ARHGEF16: variants seen among roughly 807,000 people sequenced by gnomAD.
ARHGEF16 encodes Rho guanine exchange factor (GEF) 16.
In ARHGEF16, 59 loss-of-function variants were observed where a neutral mutation model predicts 74.1. That is an observed-to-expected ratio of 0.80 (90% confidence interval 0.65 to 0.99). ARHGEF16 has a LOEUF of 0.99. ARHGEF16 is among the 50% of genes least tolerant of loss of function. ARHGEF16 has a pLI of 0.00. For missense variants in ARHGEF16, 948 were observed against 986.6 expected, an observed-to-expected ratio of 0.96 and a Z score of 0.52; for synonymous variants, 415 against 412.6, an observed-to-expected ratio of 1.01 and a Z score of -0.07.
chr1:3,467,012 A>G (rs568192679), intron 3 of ARHGEF16, 156 bp from the exon 4 acceptor site: 1 of 745,412 alleles, frequency 1.3e-6, no homozygotes, highest in Non-Finnish European at 2.1e-6. Context: ...AGGTCTTGGG[A>G]CTGGTGCCCA....
chr1:3,462,144 G>A (rs1006592417), intron 1 of ARHGEF16, among the ~76,000 whole-genome samples: 1 of 152,086 alleles, frequency 6.6e-6, no homozygotes, highest in Non-Finnish European at 1.5e-5. Context: ...CTACAGAGAT[G>A]TCTACAGGGC....
At chr1:3,457,977 GC>G (rs1639303939) in intron 1 of ARHGEF16, among the ~76,000 whole-genome samples, 1 of 152,198 alleles carries the variant, frequency 6.6e-6, no homozygotes, top group Non-Finnish European at 1.5e-5. Context: ...GCACAGATGG[GC>G]CCAGAACCTC....
At chr1:3,479,787 C>A in intron 13 of ARHGEF16, 25 bp from the exon 14 acceptor site, 1 of 1,609,226 alleles carries the variant, frequency 6.2e-7, no homozygotes. Flanking sequence ...CCCGACAGCC[C>A]TGTGATGGCC....
chr1:3,470,094 G>C (rs80192986), intron 6 of ARHGEF16, among the ~76,000 whole-genome samples: 3,684 of 152,212 alleles, frequency 0.024, 133 homozygotes, highest in African/African-American at 0.084. Flanking sequence ...ATGTGCGTGG[G>C]GTGGGGTGGG....
chr1:3,456,673 C>T (rs1310516305), intron 1 of ARHGEF16, among the ~76,000 whole-genome samples: 1 of 152,218 alleles, frequency 6.6e-6, no homozygotes, highest in African/African-American at 2.4e-5. Context: ...ATTCAGAGGG[C>T]ACTGTCTGTG....
In ARHGEF16 at chr1:3,476,028, C is replaced by T. The variant is rs776739628; in HGVS notation, c.1439C>T (p.Thr480Met). Residue 480 changes from threonine (T) to methionine (M), a missense_variant, in exon 10 of 15, where the codon ACG becomes ATG. Thr to Met is a moderately conservative substitution (Grantham distance 81, BLOSUM62 -1). Transcript: ENST00000378378. ...HRMERMEQMY[T>M]LHTQLDFSKV... ...ATGGAGCGCATGGAGCAGATGTACA[C>T]GCTGCACACACAGCTGGACTTCAGC... 9.0e-5 allele frequency: 140 copies of T among 1,556,662 alleles called. No individual in the cohort carries two copies. Among genetic ancestry groups the T allele is most frequent in the East Asian group, 5.5e-4 (23 of 41,606 alleles).
intron 3 of ARHGEF16, 176 bp from the exon 4 acceptor site, chr1:3,466,992 G>T: frequency 3.2e-6 from 2 of 616,534 alleles, no homozygotes; most frequent in Non-Finnish European, 5.4e-6. Context: ...TGGGACTTGT[G>T]GCATAGGAGA....
In ARHGEF16 at chr1:3,473,221, A is replaced by G. The variant is rs1336584151; in HGVS notation, c.1166A>G (p.Gln389Arg). The part of the protein sequence containing the change: ...SNEVYQQRTL[Q>R]KLISSNAAFR... ...GAGGTCTACCAACAGCGCACGCTGC[A>G]GAAGCTGATGTGAGTGGGCGGCCCC... The change falls in exon 7 of 15, where the codon CAG (glutamine) becomes CGG (arginine). Residue 389 changes from glutamine (Q) to arginine (R), a missense_variant. By Grantham distance (43) the Gln-to-Arg change is conservative. Coordinates refer to ENST00000378378, the MANE Select transcript of ARHGEF16 (RefSeq NM_014448.4). 2.5e-6 allele frequency: 4 copies of G among 1,612,954 alleles called. No individual in the cohort carries two copies. The highest frequency in any genetic ancestry group is 3.4e-6 in the Non-Finnish European group (4 of 1,179,876).
At position 3,480,432 on chromosome 1, in the gene ARHGEF16, C is replaced by G; in HGVS notation, c.1991-16C>G. The G allele has an allele frequency of 6.2e-7, 1 of 1,611,988 alleles. No individual in the cohort carries two copies. The highest frequency in any genetic ancestry group is 8.5e-7 in the Non-Finnish European group (1 of 1,179,788). ...GGCCTTCCCCTCACCTCCCTCCCACCCCTATCCGGGTTCAGGGTGGCTCTA... is the reference window on the plus strand; with the variant it reads ...GGCCTTCCCCTCACCTCCCTCCCACGCCTATCCGGGTTCAGGGTGGCTCTA... On this transcript the variant is annotated splice_polypyrimidine_tract_variant and intron_variant, in intron 14 of 14. Coordinates refer to ENST00000378378, the MANE Select transcript of ARHGEF16 (RefSeq NM_014448.4).
Position 3,480,632 on chromosome 1 carries a change from G to GC in ARHGEF16, c.*46dup. The GC allele has an allele frequency of 6.3e-7, 1 of 1,587,828 alleles. No homozygotes were observed. Among genetic ancestry groups the GC allele is most frequent in the Non-Finnish European group, 8.5e-7 (1 of 1,172,398 alleles). On this transcript the variant is annotated 3_prime_UTR_variant, in exon 15 of 15. Transcript: ENST00000378378. Reference sequence around the variant, plus strand: ...CGGCAGCACAGCCTGTCTCCAATCAGCAAGTGGTCGTGCCTGGCTCTAGAG... The same window carrying GC: ...CGGCAGCACAGCCTGTCTCCAATCAGCCAAGTGGTCGTGCCTGGCTCTAGAG...
In ARHGEF16 at chr1:3,456,191, C is replaced by A. The variant is rs113982633; in HGVS notation, c.-20+1380C>A. 9.6e-3 allele frequency among the ~76,000 whole-genome samples: 1,455 copies of A among 152,312 alleles called. 13 individuals carry two copies. The highest frequency in any genetic ancestry group is 0.015 in the Non-Finnish European group (1,000 of 68,034). ...GGGGGCCATCTCTGACCCACAGGAC[C>A]ACCCTATGTGGGAAGCACTTTCCAC... On this transcript the variant is annotated intron_variant, in intron 1 of 14. Transcript: ENST00000378378.
chr1:3,469,143 G>A (rs1055801849), intron 5 of ARHGEF16, among the ~76,000 whole-genome samples: 1 of 152,162 alleles, frequency 6.6e-6, no homozygotes, highest in Admixed American at 6.5e-5. Flanking sequence ...TCACGTCACC[G>A]GGTGAATCCT....
At position 3,478,473 on chromosome 1, in the gene ARHGEF16, G is replaced by A. The variant is rs1639957242; in HGVS notation, c.1675G>A (p.Val559Met). ...QDYAQMNHIQ[V>M]EKIEPSELPL... is the part of the protein sequence containing the mutation. ...CTACGCCCAGATGAACCACATCCAGGTGGAGAAGATAGAGCCGTCTGAGCT... is the reference window on the plus strand; with the variant it reads ...CTACGCCCAGATGAACCACATCCAGATGGAGAAGATAGAGCCGTCTGAGCT... Residue 559 changes from valine (V) to methionine (M), a missense_variant, in exon 12 of 15, where the codon GTG becomes ATG. Val to Met is a conservative substitution (Grantham distance 21, BLOSUM62 1). Transcript: ENST00000378378. The A allele has an allele frequency of 1.2e-6, 2 of 1,612,406 alleles. No individual in the cohort carries two copies. Among genetic ancestry groups the A allele is most frequent in the Non-Finnish European group, 1.7e-6 (2 of 1,179,732 alleles).
intron 10 of ARHGEF16, 147 bp from the exon 11 acceptor site, chr1:3,477,728 G>T: frequency 2.8e-6 from 2 of 724,516 alleles, no homozygotes; most frequent in South Asian, 1.8e-5. Flanking sequence ...CCCCGACTGA[G>T]GGCAGCCAGC....
At chr1:3,470,153 G>C (rs962001334) in intron 6 of ARHGEF16, among the ~76,000 whole-genome samples, 5 of 151,944 alleles carry the variant, frequency 3.3e-5, no homozygotes, top group Non-Finnish European at 7.4e-5. Flanking sequence ...GTGCATGGCT[G>C]TGTGTGCATG....
intron 4 of ARHGEF16, chr1:3,468,665 G>C: frequency 1.7e-6 from 1 of 587,310 alleles, no homozygotes. Flanking sequence ...CGGCTGGGGG[G>C]AGCGGGGGGC....
At chr1:3,479,064 G>T (rs984686203) in intron 12 of ARHGEF16, among the ~76,000 whole-genome samples, 4 of 152,218 alleles carry the variant, frequency 2.6e-5, no homozygotes, top group Non-Finnish European at 4.4e-5. Context: ...AGACAGCAGG[G>T]TGGTCCTGGC....
intron 12 of ARHGEF16, among the ~76,000 whole-genome samples, 192 bp downstream of exon 12, chr1:3,478,804 C>T (rs1420929895): frequency 6.6e-6 from 1 of 152,098 alleles, no homozygotes; most frequent in East Asian, 1.9e-4. Flanking sequence ...AGTTTATGTT[C>T]CCGGGAGGGG....
rs1382615482 is a variant in ARHGEF16, at chr1:3,469,569, TGGATGTCCTGGGTGCCAGTCAGAGGTGA to T, written c.1001_1022+6del. 6.2e-7 allele frequency: 1 copy of T among 1,612,950 alleles called. No homozygotes were observed. The highest frequency in any genetic ancestry group is 8.5e-7 in the Non-Finnish European group (1 of 1,179,972). ...CACCACCACCTCTTCTCCAACATCCTGGATGTCCTGGGTGCCAGTCAGAGGTGAGGCCACGCCACAGCCTTCCACACAG... is the reference window on the plus strand; with the variant it reads ...CACCACCACCTCTTCTCCAACATCCTGGCCACGCCACAGCCTTCCACACAG... On this transcript the variant is annotated splice_donor_variant and splice_donor_region_variant and coding_sequence_variant and intron_variant, in exon 6 of 15. Coordinates refer to ENST00000378378, the MANE Select transcript of ARHGEF16 (RefSeq NM_014448.4). LOFTEE classifies it high-confidence loss of function.
Sources: allele counts gnomAD v4.1 joint callset (sites outside exome capture counted in the v4.1 genomes callset), GRCh38; gene constraint gnomAD v4.1.1; transcripts MANE v1.5; gene names NCBI Gene and HGNC (gene_info 2026-07-23, HGNC 2026-07-21).